GPBP1: variants seen among roughly 807,000 people sequenced by gnomAD.
GPBP1 encodes vasculin.
Under a neutral mutation model 56.5 loss-of-function variants are expected in GPBP1, and 13 were observed. That is an observed-to-expected ratio of 0.23 (90% CI 0.15 to 0.37). The LOEUF is 0.37. Ranked by LOEUF, GPBP1 falls within the 10% of genes least tolerant of loss-of-function variation. The pLI, the probability that GPBP1 is intolerant of heterozygous loss-of-function variation, is 1.00. For missense variants in GPBP1, 477 were observed against 572.3 expected, an observed-to-expected ratio of 0.83 and a Z score of 1.70; for synonymous variants, 204 against 188.9, an observed-to-expected ratio of 1.08 and a Z score of -0.66.
At chr5:57,186,412 TC>T (rs1754288438) in intron 2 of GPBP1, among the ~76,000 whole-genome samples, 1 of 152,024 alleles carries the variant, frequency 6.6e-6, no homozygotes, top group South Asian at 2.1e-4. Context: ...AATTTTTTTT[TC>T]TTTCATGGTT....
intron 2 of GPBP1, among the ~76,000 whole-genome samples, chr5:57,194,924 C>G (rs1175419672): frequency 6.6e-6 from 1 of 152,062 alleles, no homozygotes; most frequent in Non-Finnish European, 1.5e-5. Context: ...AAGGTTGATT[C>G]CATATCTTGG....
At chr5:57,249,191 T>C (rs1741243438) in intron 8 of GPBP1, 1 of 427,980 alleles carries the variant, frequency 2.3e-6, no homozygotes, top group Non-Finnish European at 4.2e-6. Flanking sequence ...TAGTTCTGAG[T>C]ATTATCAGAC....
chr5:57,236,187 C>T (rs1006525492), intron 6 of GPBP1, among the ~76,000 whole-genome samples, 155 bp downstream of exon 6: 3 of 152,028 alleles, frequency 2.0e-5, no homozygotes, highest in South Asian at 2.1e-4. Flanking sequence ...AGGTAACATT[C>T]GTCTTTAAAA....
chr5:57,201,580 G>GT (rs930166528), intron 2 of GPBP1, among the ~76,000 whole-genome samples: 11 of 152,238 alleles, frequency 7.2e-5, no homozygotes, highest in African/African-American at 2.2e-4. Flanking sequence ...GTTCAGCAGT[G>GT]TTTTTTTATA....
intron 2 of GPBP1, 42 bp from the exon 3 acceptor site, chr5:57,214,032 C>A: frequency 1.1e-6 from 1 of 890,964 alleles, no homozygotes; most frequent in Non-Finnish European, 1.8e-6. Context: ...TAATTTTTGG[C>A]CAGGAGCTGC....
intron 3 of GPBP1, among the ~76,000 whole-genome samples, chr5:57,219,375 C>CA (rs869152603): frequency 0.014 from 494 of 35,256 alleles, 37 homozygotes; most frequent in African/African-American, 0.025. Flanking sequence ...GACTCTGTCT[C>CA]AAAAAAAAAA....
At chr5:57,190,780 C>G (rs1353002698) in intron 2 of GPBP1, among the ~76,000 whole-genome samples, 1 of 136,156 alleles carries the variant, frequency 7.3e-6, no homozygotes, top group Non-Finnish European at 1.5e-5. Flanking sequence ...TATCACAGCT[C>G]ACTGCAGCCT....
intron 3 of GPBP1, among the ~76,000 whole-genome samples, chr5:57,225,295 A>G (rs1318099098): frequency 7.0e-6 from 1 of 143,210 alleles, no homozygotes; most frequent in Non-Finnish European, 1.5e-5. Flanking sequence ...CGTCTCTACT[A>G]AAACCTGGCT....
At chr5:57,189,628 A>T (rs193119444) in intron 2 of GPBP1, among the ~76,000 whole-genome samples, 1 of 152,270 alleles carries the variant, frequency 6.6e-6, no homozygotes, top group South Asian at 2.1e-4. Flanking sequence ...ACTCTATTTC[A>T]TTATTCACAG....
chr5:57,217,397 AC>A (rs1755743781), intron 3 of GPBP1, among the ~76,000 whole-genome samples: 1 of 151,846 alleles, frequency 6.6e-6, no homozygotes, highest in African/African-American at 2.4e-5. Flanking sequence ...ACATGGAGAA[AC>A]CCCGTCTCTA....
At chr5:57,183,797 G>T (rs1754170250) in intron 2 of GPBP1, among the ~76,000 whole-genome samples, 1 of 147,304 alleles carries the variant, frequency 6.8e-6, no homozygotes, top group Non-Finnish European at 1.5e-5. Context: ...TTGGAGACAG[G>T]GTCTCACTCT....
At position 57,261,386 on chromosome 5, in the gene GPBP1, G is replaced by T. The variant is rs113184312; in HGVS notation, c.1263+104G>T. ...TGGGGGAGATTTAGGAATTTATCAC[G>T]ATAGGTCAGAATTGCTTTTAAAAAA... On this transcript the variant is annotated intron_variant, in intron 11 of 11. Transcript: ENST00000506184. The T allele has an allele frequency of 1.6e-4, 107 of 680,042 alleles. No individual in the cohort carries two copies. In the African/African-American group the frequency reaches 1.9e-3, roughly 12 times the overall value. The allele number at this position is 680,042 out of a possible 1,614,324, so 42.1% of individuals were successfully genotyped here.
chr5:57,226,729 CTTTTTTT>C (rs70999067), intron 3 of GPBP1, among the ~76,000 whole-genome samples: 18 of 77,122 alleles, frequency 2.3e-4, no homozygotes, highest in Non-Finnish European at 2.9e-4. Context: ...TTTTTGTATT[CTTTTTTT>C]TTTTTTTTTT....
Position 57,219,409 on chromosome 5 carries a change from AACAAACAAAC to A in GPBP1, c.63+5218_63+5227del, listed in dbSNP as rs1561348387. On this transcript the variant is annotated intron_variant, in intron 3 of 11. Coordinates refer to ENST00000506184, the MANE Select transcript of GPBP1 (RefSeq NM_022913.4). ...AAAAAAAAAAAAAAAAAAAACCAAAAACAAACAAACAAAAAAAAAAACAACAAAACCACAC... is the reference window on the plus strand; with the variant it reads ...AAAAAAAAAAAAAAAAAAAACCAAAAAAAAAAAAAAACAACAAAACCACAC... Among the ~76,000 whole-genome samples, 17 of 60,134 alleles carry A rather than the reference AACAAACAAAC, an allele frequency of 2.8e-4. 1 individual carries two copies. Among genetic ancestry groups the A allele is most frequent in the East Asian group, 7.2e-3 (2 of 278 alleles). The allele number at this position is 60,134 out of a possible 152,430, so 39.5% of individuals were successfully genotyped here.
intron 6 of GPBP1, among the ~76,000 whole-genome samples, chr5:57,240,491 A>G (rs1339301194): frequency 6.6e-6 from 1 of 152,218 alleles, no homozygotes; most frequent in South Asian, 2.1e-4. Context: ...ACATTTTGAA[A>G]TATCTGCCAC....
intron 2 of GPBP1, among the ~76,000 whole-genome samples, chr5:57,208,251 A>G (rs566681911): frequency 1.3e-5 from 2 of 151,894 alleles, no homozygotes; most frequent in South Asian, 2.1e-4. Context: ...CTCCCTCCAT[A>G]TCAATAGAGT....
chr5:57,224,994 C>T (rs1218200330), intron 3 of GPBP1, among the ~76,000 whole-genome samples: 4 of 151,838 alleles, frequency 2.6e-5, no homozygotes, highest in Admixed American at 1.3e-4. Flanking sequence ...ATAAAAATGC[C>T]CCCATCTCAT....
At chr5:57,226,695 G>T (rs542038837) in intron 3 of GPBP1, among the ~76,000 whole-genome samples, 30 of 147,560 alleles carry the variant, frequency 2.0e-4, no homozygotes, top group Middle Eastern at 3.5e-3. Flanking sequence ...GGGATTACAG[G>T]TGTGCGCCAC....
intron 10 of GPBP1, among the ~76,000 whole-genome samples, chr5:57,255,268 CCT>C (rs1741607747): frequency 6.6e-6 from 1 of 152,072 alleles, no homozygotes; most frequent in African/African-American, 2.4e-5. Context: ...TCCTCTTCCC[CCT>C]CTTATTCCAA....
Sources: gnomAD v4.1 joint callset for allele counts (sites outside exome capture counted in the v4.1 genomes callset) on GRCh38, gnomAD v4.1.1 for gene constraint, MANE v1.5 for transcripts, NCBI Gene and HGNC (gene_info 2026-07-23, HGNC 2026-07-21) for gene names.